ANKRD29: variants seen among roughly 807,000 people sequenced by gnomAD.
The protein encoded by ANKRD29 is ankyrin repeat domain 29.
ANKRD29 carries 32 observed loss-of-function variants against 38.0 expected under a neutral mutation model. The observed-to-expected ratio is 0.84, with a 90% CI of 0.64 to 1.13. ANKRD29 has a LOEUF of 1.13. Ranked by LOEUF, ANKRD29 falls within the 50% of genes most tolerant of loss-of-function variation. ANKRD29 has a pLI of 0.00. For synonymous variants in ANKRD29, 135 were observed against 152.4 expected (o/e 0.89, Z 0.84); for missense variants, 357 against 377.9 (o/e 0.94, Z 0.46).
At chr18:23,607,462 G>T (rs2059588116) in intron 9 of ANKRD29, among the ~76,000 whole-genome samples, 1 of 152,220 alleles carries the variant, frequency 6.6e-6, no homozygotes, top group African/African-American at 2.4e-5. Context: ...AACCTCTACA[G>T]TCAAGGAGAA....
At chr18:23,638,970 T>A in intron 3 of ANKRD29, 23 bp from the exon 4 acceptor site, 2 of 1,527,800 alleles carry the variant, frequency 1.3e-6, no homozygotes, top group Non-Finnish European at 1.8e-6. Flanking sequence ...GAGAGGCTAG[T>A]TTTAAAAGAC....
intron 6 of ANKRD29, among the ~76,000 whole-genome samples, chr18:23,628,739 A>T (rs992628988): frequency 6.6e-6 from 1 of 151,442 alleles, no homozygotes; most frequent in African/African-American, 2.4e-5. Flanking sequence ...GCTATTTGGG[A>T]GGCTGAGGCA....
At chr18:23,662,622 A>AAACC in intron 1 of ANKRD29, 88 bp downstream of exon 1, 1 of 65,712 alleles carries the variant, frequency 1.5e-5, no homozygotes, top group Non-Finnish European at 2.8e-5. Context: ...CGCCCACCCC[A>AAACC]TCCCACCCCA....
intron 3 of ANKRD29, among the ~76,000 whole-genome samples, chr18:23,642,092 A>G (rs953483248): frequency 3.3e-5 from 5 of 152,120 alleles, no homozygotes; most frequent in African/African-American, 9.7e-5. Flanking sequence ...CTGTCACTCA[A>G]TGAAGCTCCT....
intron 2 of ANKRD29, chr18:23,647,884 G>A (rs1403396333): frequency 6.6e-6 from 1 of 152,274 alleles, no homozygotes; most frequent in African/African-American, 2.4e-5. Context: ...CATTCAGATT[G>A]GGATAATTGG....
chr18:23,631,327 A>G (rs1194413420), intron 5 of ANKRD29, among the ~76,000 whole-genome samples: 2 of 151,806 alleles, frequency 1.3e-5, no homozygotes, highest in South Asian at 4.2e-4. Flanking sequence ...TGCAGCGTCA[A>G]CTTCCTCAGC....
intron 1 of ANKRD29, among the ~76,000 whole-genome samples, chr18:23,660,764 G>A (rs556097410): frequency 2.0e-5 from 3 of 152,330 alleles, no homozygotes; most frequent in Admixed American, 6.5e-5. Flanking sequence ...CCAAGATTGC[G>A]CCACTGCACT....
In ANKRD29 at chr18:23,606,800, G is replaced by A. The variant is rs532013237; in HGVS notation, c.822+5292C>T. 2.6e-5 allele frequency among the ~76,000 whole-genome samples: 4 copies of A among 152,300 alleles called. No individual in the cohort carries two copies. The South Asian group carries it at 6.2e-4, about 24-fold the overall frequency. ...TATCACTTAAGCACAGGAGTTCAAG[G>A]TTACAGTTAGCTATGATGGCAACAC... is the stretch of plus-strand genomic sequence containing the variant. On this transcript the variant is annotated intron_variant, in intron 9 of 9. Coordinates refer to ENST00000592179, the MANE Select transcript of ANKRD29 (RefSeq NM_173505.4).
At position 23,662,747 on chromosome 18, in the gene ANKRD29, G is replaced by A. The variant is rs2060384049; in HGVS notation, c.-17C>T. On this transcript the variant is annotated 5_prime_UTR_variant, in exon 1 of 10. Coordinates refer to ENST00000592179, the MANE Select transcript of ANKRD29 (RefSeq NM_173505.4). ...CCTGCACATGTCCGCGGCCGCCCGA[G>A]CGGGAGCCGGCGCGCTTTGGGCCCG... The A allele has an allele frequency of 6.8e-7, 1 of 1,461,540 alleles. No homozygotes were observed. The highest frequency in any genetic ancestry group is 9.0e-7 in the Non-Finnish European group (1 of 1,110,490). 90.5% of individuals were successfully genotyped at this position (1,461,540 alleles called of 1,614,324 possible). A position where few individuals can be genotyped will look rare whatever the true frequency, so the allele number is the denominator to read the frequency against.
At chr18:23,621,212 A>AG (rs1439378287) in intron 6 of ANKRD29, among the ~76,000 whole-genome samples, 2 of 152,234 alleles carry the variant, frequency 1.3e-5, no homozygotes, top group Admixed American at 6.5e-5. Context: ...CATCGGGGGA[A>AG]GGGGGGCTGA....
chr18:23,632,348 T>A (rs2059943510), intron 5 of ANKRD29, among the ~76,000 whole-genome samples: 1 of 152,030 alleles, frequency 6.6e-6, no homozygotes. Context: ...CATCCATATT[T>A]CAATCGTTTT....
intron 6 of ANKRD29, among the ~76,000 whole-genome samples, chr18:23,622,525 A>C (rs2059809404): frequency 6.6e-6 from 1 of 152,170 alleles, no homozygotes; most frequent in Non-Finnish European, 1.5e-5. Context: ...ATATGTGGGA[A>C]AGTGCTAAAA....
At chr18:23,649,704 T>C (rs2060186817) in intron 1 of ANKRD29, among the ~76,000 whole-genome samples, 1 of 152,180 alleles carries the variant, frequency 6.6e-6, no homozygotes, top group Non-Finnish European at 1.5e-5. Flanking sequence ...ATGTTTCACT[T>C]TTCCTCCACC....
intron 9 of ANKRD29, among the ~76,000 whole-genome samples, chr18:23,611,774 C>T (rs916372012): frequency 6.6e-6 from 1 of 152,014 alleles, no homozygotes; most frequent in Non-Finnish European, 1.5e-5. Flanking sequence ...TTGTAAATGA[C>T]CGGCTTCTGG....
At position 23,601,125 on chromosome 18, in the gene ANKRD29, C is replaced by T. The variant is rs548151242; in HGVS notation, c.*101G>A. The T allele has an allele frequency of 1.0e-5, 11 of 1,064,492 alleles. No individual in the cohort carries two copies. The African/African-American group carries it at 1.5e-4, about 14-fold the overall frequency. 65.9% of individuals were successfully genotyped at this position (1,064,492 alleles called of 1,614,324 possible). A position where few individuals can be genotyped will look rare whatever the true frequency, so the allele number is the denominator to read the frequency against. On this transcript the variant is annotated 3_prime_UTR_variant, in exon 10 of 10. Transcript: ENST00000592179. ...CCCACAGGATGGGCATTCTGGGCAT[C>T]TTTTTTTTTCATAAAAGAATTTCCA... is the stretch of plus-strand genomic sequence containing the variant.
Position 23,619,528 on chromosome 18 carries a change from C to T in ANKRD29, c.627+3G>A. 1 of 1,587,686 alleles carries T rather than the reference C, an allele frequency of 6.3e-7. No homozygotes were observed. The highest frequency in any genetic ancestry group is 8.5e-7 in the Non-Finnish European group (1 of 1,175,302). ...TCTTTGGCCGCGCGACTCGGGCACT[C>T]ACGTTCCGCGCAGCGTCGCGGTCGG... On this transcript the variant is annotated splice_donor_region_variant and intron_variant, in intron 7 of 9. Transcript: ENST00000592179.
At chr18:23,615,907 AT>A (rs2059704955) in intron 8 of ANKRD29, among the ~76,000 whole-genome samples, 1 of 147,112 alleles carries the variant, frequency 6.8e-6, no homozygotes, top group Non-Finnish European at 1.5e-5. Context: ...ATTATATAGT[AT>A]ATACTATATA....
intron 1 of ANKRD29, among the ~76,000 whole-genome samples, chr18:23,655,693 G>A (rs571078781): frequency 5.9e-5 from 9 of 151,706 alleles, no homozygotes; most frequent in Admixed American, 3.3e-4. Context: ...GACCTCAGGT[G>A]ATCTACCCGC....
chr18:23,624,476 A>AAAAAAAAAAAAC, intron 6 of ANKRD29, among the ~76,000 whole-genome samples: 1 of 111,222 alleles, frequency 9.0e-6, no homozygotes, highest in Non-Finnish European at 1.6e-5. Flanking sequence ...CAAAAAAAAA[A>AAAAAAAAAAAAC]AAAAAAAAAA....
Sources: gnomAD v4.1 joint callset for allele counts (sites outside exome capture counted in the v4.1 genomes callset) on GRCh38, gnomAD v4.1.1 for gene constraint, MANE v1.5 for transcripts, NCBI Gene and HGNC (gene_info 2026-07-23, HGNC 2026-07-21) for gene names.